The following VIT variants were observed in gnomAD, a reference collection of about 807,000 sequenced individuals.
The protein encoded by VIT is vitrin.
Under a neutral mutation model 78.0 loss-of-function variants are expected in VIT, and 99 were observed. The ratio of observed to expected loss-of-function variants is 1.27; its 90% CI spans 1.08 to 1.50. The LOEUF is 1.50. VIT is among the 40% of genes most tolerant of loss of function. The pLI is 0.00. For synonymous variants in VIT, 374 were observed against 334.3 expected (o/e 1.12, Z -1.29); for missense variants, 1,126 against 875.3 (o/e 1.29, Z -3.61).
At chr2:36,725,853 C>A (rs920630835) in intron 2 of VIT, among the ~76,000 whole-genome samples, 1 of 152,054 alleles carries the variant, frequency 6.6e-6, no homozygotes, top group Non-Finnish European at 1.5e-5. Flanking sequence ...AGGAGGATCG[C>A]CTGAGGTCAG....
At chr2:36,787,520 A>G (rs1358209864) in intron 12 of VIT, among the ~76,000 whole-genome samples, 1 of 152,208 alleles carries the variant, frequency 6.6e-6, no homozygotes, top group Non-Finnish European at 1.5e-5. Flanking sequence ...TTTGCACTCA[A>G]GAATATTTAT....
intron 3 of VIT, among the ~76,000 whole-genome samples, chr2:36,735,460 T>C (rs536844248): frequency 6.6e-6 from 1 of 152,210 alleles, no homozygotes; most frequent in Non-Finnish European, 1.5e-5. Context: ...TTACAAAGAT[T>C]TCCTCCCTCT....
intron 2 of VIT, among the ~76,000 whole-genome samples, chr2:36,720,828 G>A (rs1405504658): frequency 6.6e-6 from 1 of 152,094 alleles, no homozygotes; most frequent in African/African-American, 2.4e-5. Flanking sequence ...GGCCAACATG[G>A]CAAAATCCCC....
intron 1 of VIT, among the ~76,000 whole-genome samples, chr2:36,703,078 C>G (rs1433097087): frequency 7.9e-5 from 12 of 152,248 alleles, no homozygotes; most frequent in Middle Eastern, 3.4e-3. Context: ...GGACAGACAC[C>G]AAGTCCACGG....
intron 9 of VIT, among the ~76,000 whole-genome samples, chr2:36,778,612 G>A (rs893313237): frequency 1.3e-5 from 2 of 152,168 alleles, no homozygotes; most frequent in African/African-American, 2.4e-5. Context: ...GACTGTCGAC[G>A]CTTTGTTGGC....
Position 36,708,948 on chromosome 2 carries a change from G to A in VIT, c.-18-7405G>A, listed in dbSNP as rs72783126. Among the ~76,000 whole-genome samples, 10 of 152,116 alleles carry A rather than the reference G, an allele frequency of 6.6e-5. No individual in the cohort carries two copies. In the East Asian group the frequency reaches 1.2e-3, roughly 18 times the overall value. ...GCAGATCACCTGAAGTCAGAAGTTCGAGACGAGCGTGACCAACATGGTGAA... is the reference window on the plus strand; with the variant it reads ...GCAGATCACCTGAAGTCAGAAGTTCAAGACGAGCGTGACCAACATGGTGAA... On this transcript the variant is annotated intron_variant, in intron 1 of 15. Transcript: ENST00000379242.
intron 14 of VIT, among the ~76,000 whole-genome samples, chr2:36,808,256 C>T (rs930435574): frequency 3.3e-5 from 5 of 152,220 alleles, no homozygotes; most frequent in Non-Finnish European, 5.9e-5. Context: ...GGCAGGGACT[C>T]AGCTGAGGGA....
Position 36,778,228 on chromosome 2 carries a change from TGCCTTCACAG to T in VIT, c.802+3165_802+3174del, listed in dbSNP as rs1374285909. Reference sequence around the variant, plus strand: ...TCTAGAATTATGCTGCTGGGGCTTTTGCCTTCACAGGCCCCACACTCTCCTACTCCAGAGT... The same window carrying T: ...TCTAGAATTATGCTGCTGGGGCTTTTGCCCCACACTCTCCTACTCCAGAGT... On this transcript the variant is annotated intron_variant, in intron 9 of 15. Transcript: ENST00000379242. 2.0e-5 allele frequency among the ~76,000 whole-genome samples: 3 copies of T among 152,384 alleles called. No homozygotes were observed. The South Asian group carries it at 6.2e-4, about 32-fold the overall frequency.
chr2:36,794,167 A>C (rs1376927347), intron 12 of VIT, among the ~76,000 whole-genome samples: 1 of 152,174 alleles, frequency 6.6e-6, no homozygotes, highest in Non-Finnish European at 1.5e-5. Context: ...ACTGTTACAC[A>C]AATTCCTTCT....
chr2:36,714,292 G>A (rs905010783), intron 1 of VIT, among the ~76,000 whole-genome samples: 5 of 152,084 alleles, frequency 3.3e-5, no homozygotes, highest in African/African-American at 9.7e-5. Flanking sequence ...TCAAATATTG[G>A]ATAGAAGCTT....
At chr2:36,761,934 G>A (rs1490350500) in intron 6 of VIT, among the ~76,000 whole-genome samples, 1 of 152,094 alleles carries the variant, frequency 6.6e-6, no homozygotes, top group East Asian at 1.9e-4. Context: ...TAAGGAAGCT[G>A]ACCTTGAGAG....
chr2:36,798,161 C>T (rs1240821712), intron 12 of VIT, among the ~76,000 whole-genome samples: 2 of 152,156 alleles, frequency 1.3e-5, no homozygotes, highest in Non-Finnish European at 2.9e-5. Context: ...AAAGCCAAAA[C>T]ATCAAGTTTA....
chr2:36,720,803 G>A (rs1666457006), intron 2 of VIT, among the ~76,000 whole-genome samples: 1 of 152,176 alleles, frequency 6.6e-6, no homozygotes, highest in Non-Finnish European at 1.5e-5. Context: ...GAGGTCAGGA[G>A]TTCGAGATCA....
At chr2:36,812,558 C>T (rs915344082) in intron 15 of VIT, among the ~76,000 whole-genome samples, 1 of 152,126 alleles carries the variant, frequency 6.6e-6, no homozygotes, top group Non-Finnish European at 1.5e-5. Context: ...CTCCCTGGGT[C>T]ATCTTCTCCC....
intron 7 of VIT, 140 bp from the exon 8 acceptor site, chr2:36,773,651 A>G (rs1187709992): frequency 1.7e-6 from 1 of 597,942 alleles, no homozygotes; most frequent in Non-Finnish European, 2.5e-6. Context: ...GAATCGCTTG[A>G]ACCCGGAGGT....
At chr2:36,714,113 A>T (rs1035055547) in intron 1 of VIT, among the ~76,000 whole-genome samples, 3 of 152,246 alleles carry the variant, frequency 2.0e-5, no homozygotes, top group Non-Finnish European at 4.4e-5. Context: ...TTGGAAAATA[A>T]CAAAGTGATC....
intron 5 of VIT, among the ~76,000 whole-genome samples, chr2:36,758,455 C>T (rs936038290): frequency 3.3e-5 from 5 of 152,258 alleles, no homozygotes; most frequent in Admixed American, 1.3e-4. Flanking sequence ...TGCTAGCTAC[C>T]GTGTCTCCCC....
chr2:36,735,664 G>A (rs1248407401), intron 3 of VIT, among the ~76,000 whole-genome samples: 1 of 152,252 alleles, frequency 6.6e-6, no homozygotes, highest in Non-Finnish European at 1.5e-5. Context: ...ATGCTGCCCT[G>A]AGGTGGGTGC....
At chr2:36,796,718 T>C (rs1445432081) in intron 12 of VIT, among the ~76,000 whole-genome samples, 2 of 152,132 alleles carry the variant, frequency 1.3e-5, no homozygotes, top group Non-Finnish European at 2.9e-5. Context: ...CCTCCTGTCT[T>C]GGCCTCTCAA....
Sources: gnomAD v4.1 joint callset for allele counts (sites outside exome capture counted in the v4.1 genomes callset) on GRCh38, gnomAD v4.1.1 for gene constraint, MANE v1.5 for transcripts, NCBI Gene and HGNC (gene_info 2026-07-23, HGNC 2026-07-21) for gene names.